The following COL22A1 variants were observed in gnomAD, a reference collection of about 807,000 sequenced individuals.
COL22A1 encodes the protein collagen type XXII alpha 1 chain.
A neutral mutation model predicts 248.9 loss-of-function variants in COL22A1; 221 were observed. The ratio of observed to expected loss-of-function variants is 0.89; its 90% CI spans 0.80 to 0.99. The LOEUF (loss-of-function observed/expected upper bound fraction) is 0.99, where lower values mean the gene tolerates loss of function less well. Ranked by LOEUF, COL22A1 falls within the 50% of genes least tolerant of loss-of-function variation. The pLI is 0.00. For synonymous variants in COL22A1, 891 were observed against 793.4 expected, an observed-to-expected ratio of 1.12 and a Z score of -2.07; for missense variants, 2,240 against 2,179.0, an observed-to-expected ratio of 1.03 and a Z score of -0.56.
chr8:138,620,518 C>T (rs10088251), intron 52 of COL22A1: 107,257 of 152,116 alleles, frequency 0.71, 41,081 homozygotes, highest in Non-Finnish European at 0.85. Flanking sequence ...TTCCTTTCTC[C>T]GGATCTCTGG....
At chr8:138,630,911 G>A (rs1208715010) in intron 49 of COL22A1, among the ~76,000 whole-genome samples, 163 bp from the exon 50 acceptor site, 2 of 152,166 alleles carry the variant, frequency 1.3e-5, no homozygotes, top group African/African-American at 4.8e-5. Flanking sequence ...CCTGGTGGGA[G>A]GTGACTGAAT....
At chr8:138,810,893 G>A (rs538498095) in intron 9 of COL22A1, among the ~76,000 whole-genome samples, 1 of 152,262 alleles carries the variant, frequency 6.6e-6, no homozygotes, top group South Asian at 2.1e-4. Flanking sequence ...CCCCAGCAGA[G>A]TCACCAAGCA....
chr8:138,607,091 T>C (rs1818484302), intron 57 of COL22A1, among the ~76,000 whole-genome samples: 1 of 152,048 alleles, frequency 6.6e-6, no homozygotes, highest in South Asian at 2.1e-4. Flanking sequence ...TCCGCTAGGG[T>C]GATCAGATGC....
At chr8:138,811,406 T>A (rs1818216321) in intron 9 of COL22A1, among the ~76,000 whole-genome samples, 1 of 151,996 alleles carries the variant, frequency 6.6e-6, no homozygotes, top group African/African-American at 2.4e-5. Context: ...AGTGAATGGT[T>A]AATCAAAGAA....
intron 11 of COL22A1, among the ~76,000 whole-genome samples, chr8:138,798,789 A>G (rs1816765102): frequency 6.6e-6 from 1 of 152,050 alleles, no homozygotes; most frequent in South Asian, 2.1e-4. Flanking sequence ...GGTTTTTGGC[A>G]TTTTTACTAT....
At position 138,613,933 on chromosome 8, in the gene COL22A1, C is replaced by T. The variant is rs7000261; in HGVS notation, c.3925-13G>A. On this transcript the variant is annotated splice_polypyrimidine_tract_variant and intron_variant, in intron 55 of 64. Coordinates refer to ENST00000303045, the MANE Select transcript of COL22A1 (RefSeq NM_152888.3). Reference sequence around the variant, plus strand: ...GTCCAGTGTCACCCTGGAACAAAGACAGAGAGATGGTGTCATCATCAAGTC... The same window carrying T: ...GTCCAGTGTCACCCTGGAACAAAGATAGAGAGATGGTGTCATCATCAAGTC... 6.3e-7 allele frequency: 1 copy of T among 1,599,398 alleles called. No individual in the cohort carries two copies. Among genetic ancestry groups the T allele is most frequent in the South Asian group, 1.1e-5 (1 of 90,758 alleles).
In COL22A1 at chr8:138,829,823, C is replaced by T. The variant is rs183105644; in HGVS notation, c.846-3042G>A. Reference sequence around the variant, plus strand: ...TTTCTTCTTATACCTTTGAAATACACACAGACAAGTGTATCATAAGAAAAA... The same window carrying T: ...TTTCTTCTTATACCTTTGAAATACATACAGACAAGTGTATCATAAGAAAAA... On this transcript the variant is annotated intron_variant, in intron 5 of 64. Transcript: ENST00000303045. 2.0e-5 allele frequency among the ~76,000 whole-genome samples: 3 copies of T among 152,156 alleles called. No individual in the cohort carries two copies. The East Asian group carries it at 5.8e-4, about 29-fold the overall frequency.
intron 45 of COL22A1, 127 bp from the exon 46 acceptor site, chr8:138,649,905 T>C (rs763084829): frequency 1.9e-5 from 11 of 588,050 alleles, no homozygotes; most frequent in East Asian, 3.0e-5. Context: ...CCAGAGAAGA[T>C]AGAAAAGCAA....
intron 23 of COL22A1, among the ~76,000 whole-genome samples, chr8:138,733,066 C>G (rs987839094): frequency 5.3e-5 from 8 of 152,170 alleles, no homozygotes; most frequent in African/African-American, 1.9e-4. Flanking sequence ...TATGACTTCC[C>G]ACTTCAAGGG....
chr8:138,613,422 C>A (rs578211345), intron 56 of COL22A1, among the ~76,000 whole-genome samples: 48 of 152,266 alleles, frequency 3.2e-4, no homozygotes, highest in Non-Finnish European at 6.0e-4. Context: ...TCTGTCTCAG[C>A]CTCAGAAGGA....
At chr8:138,615,695 A>G (rs1213017586) in intron 55 of COL22A1, among the ~76,000 whole-genome samples, 1 of 152,084 alleles carries the variant, frequency 6.6e-6, no homozygotes, top group African/African-American at 2.4e-5. Context: ...AAGGAGAAAT[A>G]ATCTGCGAGA....
Position 138,694,504 on chromosome 8 carries a change from T to C in COL22A1, c.2700+4A>G. ...GCCAGCAGGGGAAGGGATGGTTTTCTTACCGGTGGTCCAGTGGGTCCCTGA... is the reference window on the plus strand; with the variant it reads ...GCCAGCAGGGGAAGGGATGGTTTTCCTACCGGTGGTCCAGTGGGTCCCTGA... On this transcript the variant is annotated splice_donor_region_variant and intron_variant, in intron 34 of 64. Coordinates refer to ENST00000303045, the MANE Select transcript of COL22A1 (RefSeq NM_152888.3). 1 of 1,614,000 alleles carries C rather than the reference T, an allele frequency of 6.2e-7. No homozygotes were observed. The highest frequency in any genetic ancestry group is 8.5e-7 in the Non-Finnish European group (1 of 1,179,902).
rs751164353 is a variant in COL22A1, at chr8:138,594,210, G to A, written c.4433-11C>T. 1 of 1,559,948 alleles carries A rather than the reference G, an allele frequency of 6.4e-7. No homozygotes were observed. The highest frequency in any genetic ancestry group is 8.6e-7 in the Non-Finnish European group (1 of 1,160,926). ...GGTAGGCGAGTCTGGCTGTAAAGTA[G>A]AAAAAGAGAGGCATTTCATGAAGAA... On this transcript the variant is annotated splice_polypyrimidine_tract_variant and intron_variant, in intron 62 of 64. Coordinates refer to ENST00000303045, the MANE Select transcript of COL22A1 (RefSeq NM_152888.3).
Position 138,670,960 on chromosome 8 carries a change from CAAAAAAAAAAA to C in COL22A1, c.3150+5587_3150+5597del, listed in dbSNP as rs60845059. Reference sequence around the variant, plus strand: ...TGGGGGACAGAGCGAGACCTTGTCTCAAAAAAAAAAAAAAAAAAAAAAAAAAGCCACTGGTG... The same window carrying C: ...TGGGGGACAGAGCGAGACCTTGTCTCAAAAAAAAAAAAAAAGCCACTGGTG... On this transcript the variant is annotated intron_variant, in intron 41 of 64. Coordinates refer to ENST00000303045, the MANE Select transcript of COL22A1 (RefSeq NM_152888.3). 6.0e-3 allele frequency among the ~76,000 whole-genome samples: 333 copies of C among 55,408 alleles called. 6 individuals carry two copies. In the Admixed American group the frequency reaches 0.082, roughly 14 times the overall value. The allele number at this position is 55,408 out of a possible 152,430, so 36.3% of individuals were successfully genotyped here.
chr8:138,724,789 T>G lies in COL22A1; in HGVS notation c.2194-121A>C. 4 of 883,962 alleles carry G rather than the reference T, an allele frequency of 4.5e-6. No individual in the cohort carries two copies. In the South Asian group the frequency reaches 5.5e-5, roughly 12 times the overall value. 54.8% of individuals were successfully genotyped at this position (883,962 alleles called of 1,614,324 possible). ...TCTGAGGAGGGCACCCTGGGGCCTC[T>G]ACTGTCCTTGGTCATCCGCTGTGAA... On this transcript the variant is annotated intron_variant, in intron 24 of 64. Transcript: ENST00000303045.
intron 12 of COL22A1, among the ~76,000 whole-genome samples, chr8:138,794,399 AAGG>A (rs1402210970): frequency 6.6e-6 from 1 of 152,056 alleles, no homozygotes; most frequent in Non-Finnish European, 1.5e-5. Flanking sequence ...AAAAAAAAAA[AAGG>A]AGCTGCTGAA....
Position 138,703,423 on chromosome 8 carries a change from C to A in COL22A1, c.2518-76G>T. The stretch of plus-strand genomic sequence containing the variant: ...GCTTATGCTGCAACAGATCAGCTAA[C>A]ACTATTTTCCCCAGACAACAGAAGG... On this transcript the variant is annotated intron_variant, in intron 30 of 64. Coordinates refer to ENST00000303045, the MANE Select transcript of COL22A1 (RefSeq NM_152888.3). 4 of 1,365,638 alleles carry A rather than the reference C, an allele frequency of 2.9e-6. No homozygotes were observed. The South Asian group carries it at 4.7e-5, about 16-fold the overall frequency. The allele number at this position is 1,365,638 out of a possible 1,614,324, so 84.6% of individuals were successfully genotyped here.
intron 1 of COL22A1, among the ~76,000 whole-genome samples, chr8:138,891,423 C>T (rs548129827): frequency 2.0e-5 from 3 of 152,302 alleles, no homozygotes; most frequent in Admixed American, 2.0e-4. Flanking sequence ...ATCTGAAGGG[C>T]GCCAAAGCCC....
At chr8:138,596,823 T>G in intron 62 of COL22A1, 81 bp downstream of exon 62, 1 of 1,302,436 alleles carries the variant, frequency 7.7e-7, no homozygotes, top group Admixed American at 1.8e-5. Flanking sequence ...TATTCCAGGA[T>G]GCAAAAGCAT....
Sources: gnomAD v4.1 joint callset for allele counts (sites outside exome capture counted in the v4.1 genomes callset) on GRCh38, gnomAD v4.1.1 for gene constraint, MANE v1.5 for transcripts, NCBI Gene and HGNC (gene_info 2026-07-23, HGNC 2026-07-21) for gene names.